The following NRG1 variants were observed in gnomAD, a reference collection of about 807,000 sequenced individuals.
NRG1 encodes neuregulin 1.
A neutral mutation model predicts 63.8 loss-of-function variants in NRG1; 18 were observed. The ratio of observed to expected loss-of-function variants is 0.28; its 90% CI spans 0.19 to 0.42. The LOEUF (loss-of-function observed/expected upper bound fraction) is 0.42, where lower values mean the gene tolerates loss of function less well. NRG1 is among the 10% of genes least tolerant of loss of function. The probability of loss-of-function intolerance (pLI) is 1.00; values close to 1 mark genes in which losing one functional copy is unlikely to be tolerated. For missense variants in NRG1, 762 were observed against 814.7 expected (o/e 0.94, Z 0.79); for synonymous variants, 302 against 301.3 (o/e 1.00, Z -0.02).
At chr8:31,679,922 T>C (rs550909754) in intron 1 of NRG1, among the ~76,000 whole-genome samples, 1 of 152,030 alleles carries the variant, frequency 6.6e-6, no homozygotes, top group East Asian at 1.9e-4. Context: ...GCTACAAATA[T>C]TTGGAAAAGG....
In NRG1 at chr8:32,407,235, G is replaced by T. The variant is rs1037535490; in HGVS notation, c.38-188593G>T. ...ACTCTGTGACGCAATTCAATGATTT[G>T]GTAGAAGACTATATATATATGTGTG... is the stretch of plus-strand genomic sequence containing the variant. On this transcript the variant is annotated intron_variant, in intron 1 of 10. Transcript: ENST00000519301. Among the ~76,000 whole-genome samples, 16 of 140,422 alleles carry T rather than the reference G, an allele frequency of 1.1e-4. 1 individual carries two copies. The South Asian group carries it at 2.5e-3, about 22-fold the overall frequency. 92.1% of individuals were successfully genotyped at this position (140,422 alleles called of 152,430 possible). A position where few individuals can be genotyped will look rare whatever the true frequency, so the allele number is the denominator to read the frequency against.
At chr8:32,103,917 G>A (rs372723533) in intron 1 of NRG1, among the ~76,000 whole-genome samples, 2 of 152,110 alleles carry the variant, frequency 1.3e-5, no homozygotes, top group Non-Finnish European at 1.5e-5. Context: ...ATTATACCAG[G>A]CTTACAGGGA....
At chr8:32,630,184 A>C (rs1438095768) in intron 5 of NRG1, among the ~76,000 whole-genome samples, 1 of 152,164 alleles carries the variant, frequency 6.6e-6, no homozygotes, top group African/African-American at 2.4e-5. Flanking sequence ...CCTCTATGCT[A>C]CTAGTCTAAA....
chr8:31,825,671 A>G (rs1824477817), intron 1 of NRG1, among the ~76,000 whole-genome samples: 1 of 152,156 alleles, frequency 6.6e-6, no homozygotes, highest in Non-Finnish European at 1.5e-5. Context: ...ACAGGAAAAG[A>G]GGAGAGGAGA....
Position 31,731,008 on chromosome 8 carries a change from G to A in NRG1, c.37+91577G>A, listed in dbSNP as rs149901497. Among the ~76,000 whole-genome samples, 884 of 152,186 alleles carry A rather than the reference G, an allele frequency of 5.8e-3. 6 individuals are homozygous for A. Among genetic ancestry groups the A allele is most frequent in the Non-Finnish European group, 8.5e-3 (578 of 67,962 alleles). ...TGAATTAATTGAATTTGAAACAGCG[G>A]TTTTTCTCCTTCGAGGAGTAGGACT... is the stretch of plus-strand genomic sequence containing the variant. On this transcript the variant is annotated intron_variant, in intron 1 of 10. Transcript: ENST00000519301.
intron 6 of NRG1, among the ~76,000 whole-genome samples, chr8:32,733,171 A>G (rs1824160494): frequency 6.6e-6 from 1 of 152,128 alleles, no homozygotes; most frequent in Non-Finnish European, 1.5e-5. Flanking sequence ...TGTTGGGACC[A>G]CCAACTATCT....
intron 1 of NRG1, among the ~76,000 whole-genome samples, chr8:31,943,311 C>T (rs1802039387): frequency 6.6e-6 from 1 of 152,052 alleles, no homozygotes; most frequent in Admixed American, 6.6e-5. Context: ...TATGTTCTCA[C>T]TCATATGTGG....
chr8:31,788,780 G>A (rs542010425), intron 1 of NRG1, among the ~76,000 whole-genome samples: 16 of 152,242 alleles, frequency 1.1e-4, no homozygotes, highest in East Asian at 5.8e-4. Context: ...TTTTAATGCC[G>A]TTTCATAGAT....
At chr8:31,646,522 A>G (rs1290110729) in intron 1 of NRG1, among the ~76,000 whole-genome samples, 1 of 152,212 alleles carries the variant, frequency 6.6e-6, no homozygotes, top group Non-Finnish European at 1.5e-5. Flanking sequence ...TACCAGTAAT[A>G]CTATCATCCC....
chr8:32,132,705 T>C (rs749913724), intron 1 of NRG1, among the ~76,000 whole-genome samples: 7 of 152,150 alleles, frequency 4.6e-5, no homozygotes, highest in Non-Finnish European at 1.0e-4. Context: ...TAGTGTTTAC[T>C]GCTTTGCCAT....
intron 1 of NRG1, among the ~76,000 whole-genome samples, chr8:32,176,853 A>G (rs979517963): frequency 7.2e-5 from 11 of 152,126 alleles, no homozygotes; most frequent in African/African-American, 2.4e-4. Context: ...GATGTGGAGA[A>G]ATAGGAACAC....
At chr8:32,087,891 C>T (rs992208239) in intron 1 of NRG1, among the ~76,000 whole-genome samples, 1 of 152,124 alleles carries the variant, frequency 6.6e-6, no homozygotes, top group Admixed American at 6.6e-5. Flanking sequence ...TCCACATTGT[C>T]GCATATAATG....
chr8:32,455,383 C>G (rs1821475016), intron 1 of NRG1, among the ~76,000 whole-genome samples: 1 of 152,176 alleles, frequency 6.6e-6, no homozygotes, highest in Non-Finnish European at 1.5e-5. Context: ...AAGAGCTTCT[C>G]TATGTCTGAA....
intron 1 of NRG1, among the ~76,000 whole-genome samples, chr8:32,321,136 C>G (rs1801332027): frequency 6.6e-6 from 1 of 151,964 alleles, no homozygotes; most frequent in African/African-American, 2.4e-5. Flanking sequence ...AAATTACAAC[C>G]CCCGTGAGAT....
At chr8:32,136,200 G>A (rs1025475509) in intron 1 of NRG1, among the ~76,000 whole-genome samples, 2 of 152,172 alleles carry the variant, frequency 1.3e-5, no homozygotes, top group African/African-American at 4.8e-5. Flanking sequence ...TCCCACTGAG[G>A]CAAAGATCAA....
chr8:31,761,918 A>G (rs565704212), intron 1 of NRG1, among the ~76,000 whole-genome samples: 4 of 152,332 alleles, frequency 2.6e-5, no homozygotes, highest in Non-Finnish European at 4.4e-5. Context: ...TTCAAGTACA[A>G]TAAAATGAGG....
chr8:32,283,228 A>G (rs960000324), intron 1 of NRG1, among the ~76,000 whole-genome samples: 2 of 152,206 alleles, frequency 1.3e-5, no homozygotes, highest in African/African-American at 4.8e-5. Flanking sequence ...AATTGATGAT[A>G]TTTAAAGATG....
At chr8:32,300,248 A>C (rs980411512) in intron 1 of NRG1, among the ~76,000 whole-genome samples, 1 of 152,218 alleles carries the variant, frequency 6.6e-6, no homozygotes, top group African/African-American at 2.4e-5. Flanking sequence ...TTTTTTCAAT[A>C]AGGTTAGATA....
intron 1 of NRG1, among the ~76,000 whole-genome samples, chr8:32,395,628 T>A (rs1812345565): frequency 6.6e-6 from 1 of 152,124 alleles, no homozygotes; most frequent in South Asian, 2.1e-4. Flanking sequence ...TTTTACATAT[T>A]CTGCAAACAT....
Sources: allele counts gnomAD v4.1 joint callset (sites outside exome capture counted in the v4.1 genomes callset), GRCh38; gene constraint gnomAD v4.1.1; transcripts MANE v1.5; gene names NCBI Gene and HGNC (gene_info 2026-07-23, HGNC 2026-07-21).